Variants in PAM observed in about 807,000 individuals in gnomAD.
The protein encoded by PAM is peptidylglycine alpha-amidating monooxygenase, also known as peptidyl-glycine alpha-amidating monooxygenase.
In PAM, 72 loss-of-function variants were observed where a neutral mutation model predicts 122.1. That is an observed-to-expected ratio of 0.59 (90% CI 0.49 to 0.72). The LOEUF (loss-of-function observed/expected upper bound fraction) is 0.72. Among genes scored for constraint, PAM ranks in the 30% least tolerant of loss-of-function variants. The pLI is 0.00. For synonymous variants in PAM, 389 were observed against 404.4 expected (o/e 0.96, Z 0.46); for missense variants, 1,106 against 1,183.7 (o/e 0.93, Z 0.96).
chr5:102,812,349 T>C (rs1768175411), intron 1 of PAM, among the ~76,000 whole-genome samples: 1 of 152,088 alleles, frequency 6.6e-6, no homozygotes, highest in Non-Finnish European at 1.5e-5. Context: ...AGATAATTTA[T>C]ATCTAGTAGC....
chr5:102,984,758 A>G lies in PAM; in HGVS notation c.1484-5514A>G, dbSNP rs1295888209. 8.5e-5 allele frequency among the ~76,000 whole-genome samples: 13 copies of G among 152,218 alleles called. No homozygotes were observed. In the East Asian group the frequency reaches 2.5e-3, roughly 29 times the overall value. ...CTAACAGACATTTACAGAACATTTT[A>G]TCTAACAGCTGGAGAATGCACATTC... On this transcript the variant is annotated intron_variant, in intron 15 of 25. Coordinates refer to ENST00000438793, the MANE Select transcript of PAM (RefSeq NM_001177306.2).
chr5:103,022,156 T>A lies in PAM; in HGVS notation c.2485+2313T>A, dbSNP rs190601327. Reference sequence around the variant, plus strand: ...GGCCAATCACTTTCAATAAAACTTTTAAAAAATAAAAAAACCTCTTTAGTG... The same window carrying A: ...GGCCAATCACTTTCAATAAAACTTTAAAAAAATAAAAAAACCTCTTTAGTG... On this transcript the variant is annotated intron_variant, in intron 23 of 25. Coordinates refer to ENST00000438793, the MANE Select transcript of PAM (RefSeq NM_001177306.2). Among the ~76,000 whole-genome samples the A allele has an allele frequency of 1.3e-3, 200 of 149,910 alleles. 2 individuals are homozygous for A. The highest frequency in any genetic ancestry group is 4.8e-3 in the African/African-American group (194 of 40,734).
chr5:102,780,006 A>G (rs1329542444), intron 1 of PAM, among the ~76,000 whole-genome samples: 4 of 150,126 alleles, frequency 2.7e-5, no homozygotes, highest in South Asian at 2.1e-4. Context: ...CTATGGTCCA[A>G]AAATTTGGAG....
chr5:102,822,861 A>C (rs1464867912), intron 1 of PAM, among the ~76,000 whole-genome samples: 1 of 151,790 alleles, frequency 6.6e-6, no homozygotes, highest in Non-Finnish European at 1.5e-5. Context: ...GCACACACTC[A>C]CCTTGACCCA....
At chr5:102,990,133 T>C (rs1773581696) in intron 15 of PAM, 139 bp from the exon 16 acceptor site, 1 of 522,590 alleles carries the variant, frequency 1.9e-6, no homozygotes, top group Non-Finnish European at 3.2e-6. Flanking sequence ...ATAATTTATG[T>C]AGAGCACGGC....
intron 7 of PAM, among the ~76,000 whole-genome samples, chr5:102,927,454 T>G (rs955964383): frequency 3.3e-5 from 5 of 152,190 alleles, no homozygotes; most frequent in Non-Finnish European, 7.4e-5. Context: ...CTTATATATA[T>G]TCTCCTGAAT....
intron 1 of PAM, among the ~76,000 whole-genome samples, chr5:102,796,118 G>T (rs1561469089): frequency 6.6e-6 from 1 of 152,158 alleles, no homozygotes; most frequent in Non-Finnish European, 1.5e-5. Flanking sequence ...CTGGACATTT[G>T]TAACAGGAGG....
chr5:102,759,902 A>T (rs1253621968), intron 1 of PAM, among the ~76,000 whole-genome samples: 1 of 152,154 alleles, frequency 6.6e-6, no homozygotes, highest in Non-Finnish European at 1.5e-5. Context: ...TGGTGGAAGA[A>T]AGATAACCAT....
rs868137108 is a variant in PAM, at chr5:103,024,502, T to C, written c.2486-629T>C. 5.1e-3 allele frequency among the ~76,000 whole-genome samples: 771 copies of C among 152,292 alleles called. 6 individuals are homozygous for C. Among genetic ancestry groups the C allele is most frequent in the African/African-American group, 0.018 (732 of 41,566 alleles). ...AAGAGCCTGAAAAGCACATAGTTCC[T>C]TTTTTCTTTTGTAATCCTAGCATTA... On this transcript the variant is annotated intron_variant, in intron 23 of 25. Coordinates refer to ENST00000438793, the MANE Select transcript of PAM (RefSeq NM_001177306.2).
At chr5:102,997,072 T>A (rs964359823) in intron 16 of PAM, among the ~76,000 whole-genome samples, 7 of 152,148 alleles carry the variant, frequency 4.6e-5, no homozygotes, top group Non-Finnish European at 7.4e-5. Flanking sequence ...CATAAAGCTA[T>A]GGAAAAGTAG....
intron 14 of PAM, among the ~76,000 whole-genome samples, chr5:102,969,165 A>C (rs1377226457): frequency 6.6e-6 from 1 of 151,986 alleles, no homozygotes; most frequent in Non-Finnish European, 1.5e-5. Flanking sequence ...TGCAGCAAAC[A>C]ACCATGGCAC....
chr5:102,891,607 T>A (rs539454335), intron 3 of PAM, among the ~76,000 whole-genome samples: 6 of 151,950 alleles, frequency 3.9e-5, no homozygotes, highest in Admixed American at 3.3e-4. Context: ...AAAGTATAAT[T>A]TTTCAGAAGG....
At chr5:102,847,594 A>G (rs1054194919) in intron 1 of PAM, among the ~76,000 whole-genome samples, 1 of 152,208 alleles carries the variant, frequency 6.6e-6, no homozygotes, top group African/African-American at 2.4e-5. Context: ...AGAAAATTCG[A>G]TATTTAAAAT....
chr5:102,908,825 G>A (rs1800498576), intron 4 of PAM, among the ~76,000 whole-genome samples: 1 of 151,654 alleles, frequency 6.6e-6, no homozygotes, highest in Admixed American at 6.6e-5. Context: ...CATGGTTATG[G>A]GGAAAGCTTG....
chr5:102,851,302 A>G (rs1423135953), intron 1 of PAM, among the ~76,000 whole-genome samples: 1 of 152,170 alleles, frequency 6.6e-6, no homozygotes, highest in Non-Finnish European at 1.5e-5. Flanking sequence ...TTAAACTTAA[A>G]TATTTTAATG....
At chr5:103,016,451 A>G (rs1782017013) in intron 21 of PAM, among the ~76,000 whole-genome samples, 1 of 152,180 alleles carries the variant, frequency 6.6e-6, no homozygotes, top group African/African-American at 2.4e-5. Context: ...GAAAGATGTT[A>G]TCTATATCCT....
chr5:102,811,140 G>A (rs1321632948), intron 1 of PAM, among the ~76,000 whole-genome samples: 1 of 152,198 alleles, frequency 6.6e-6, no homozygotes, highest in Admixed American at 6.5e-5. Context: ...AGTGATGAAA[G>A]TAGCATAATA....
chr5:102,977,662 A>G (rs769054485), intron 15 of PAM, among the ~76,000 whole-genome samples: 173 of 60,358 alleles, frequency 2.9e-3, no homozygotes, highest in African/African-American at 0.01. Context: ...ATGTGCGCAC[A>G]CACACACACA....
rs140849149 is a variant in PAM, at chr5:102,976,823, A to T, written c.1483+2387A>T. ...AATGAGGTCACAGATCTAAATCTGA[A>T]ACTTGGACTTGATTATTTCCAATGT... On this transcript the variant is annotated intron_variant, in intron 15 of 25. Coordinates refer to ENST00000438793, the MANE Select transcript of PAM (RefSeq NM_001177306.2). Among the ~76,000 whole-genome samples, 468 of 152,296 alleles carry T rather than the reference A, an allele frequency of 3.1e-3. 5 individuals are homozygous for T. Among genetic ancestry groups the T allele is most frequent in the African/African-American group, 0.011 (443 of 41,556 alleles).
Sources: allele counts gnomAD v4.1 joint callset (sites outside exome capture counted in the v4.1 genomes callset), GRCh38; gene constraint gnomAD v4.1.1; transcripts MANE v1.5; gene names NCBI Gene and HGNC (gene_info 2026-07-23, HGNC 2026-07-21).